CFAP299: variants seen among roughly 807,000 people sequenced by gnomAD.
CFAP299 encodes cilia- and flagella-associated protein 299.
Under a neutral mutation model 27.0 loss-of-function variants are expected in CFAP299, and 21 were observed. The ratio of observed to expected loss-of-function variants is 0.78; its 90% CI spans 0.55 to 1.12. The LOEUF (loss-of-function observed/expected upper bound fraction) is 1.12. CFAP299 is among the 50% of genes most tolerant of loss of function. The probability of loss-of-function intolerance (pLI) is 0.00; values close to 1 mark genes in which losing one functional copy is unlikely to be tolerated. For missense variants in CFAP299, 310 were observed against 276.6 expected, an observed-to-expected ratio of 1.12 and a Z score of -0.86; for synonymous variants, 104 against 98.1, an observed-to-expected ratio of 1.06 and a Z score of -0.36.
intron 4 of CFAP299, among the ~76,000 whole-genome samples, chr4:80,918,676 C>T (rs1052674453): frequency 2.0e-5 from 3 of 151,948 alleles, no homozygotes; most frequent in Non-Finnish European, 4.4e-5. Flanking sequence ...TATTTGTTGC[C>T]GATCATATCT....
chr4:80,803,161 C>T (rs1209387134), intron 3 of CFAP299, among the ~76,000 whole-genome samples: 2 of 151,966 alleles, frequency 1.3e-5, no homozygotes, highest in Non-Finnish European at 2.9e-5. Context: ...ATTCCACAAA[C>T]ATTTAAGTGA....
chr4:80,337,091 T>C (rs1374045375), intron 1 of CFAP299, among the ~76,000 whole-genome samples: 2 of 152,340 alleles, frequency 1.3e-5, no homozygotes, highest in East Asian at 3.9e-4. Flanking sequence ...ACAGATAATA[T>C]ATTTAAAGTC....
At chr4:80,602,789 G>A (rs953957888) in intron 3 of CFAP299, among the ~76,000 whole-genome samples, 3 of 152,044 alleles carry the variant, frequency 2.0e-5, no homozygotes, top group Non-Finnish European at 2.9e-5. Context: ...GTTGCAGATC[G>A]CAAAGCTTCT....
chr4:80,510,835 A>G (rs1015868621), intron 2 of CFAP299, among the ~76,000 whole-genome samples: 1 of 152,210 alleles, frequency 6.6e-6, no homozygotes, highest in Non-Finnish European at 1.5e-5. Flanking sequence ...ACAATGTTAG[A>G]TCCAAAACTC....
At chr4:80,461,593 A>G (rs1410673493) in intron 2 of CFAP299, among the ~76,000 whole-genome samples, 1 of 152,108 alleles carries the variant, frequency 6.6e-6, no homozygotes, top group African/African-American at 2.4e-5. Context: ...ATAATGAGGC[A>G]TGTCTGAGCA....
At chr4:80,658,370 G>T (rs1194423102) in intron 3 of CFAP299, among the ~76,000 whole-genome samples, 2 of 152,112 alleles carry the variant, frequency 1.3e-5, no homozygotes, top group East Asian at 1.9e-4. Context: ...CTGTGGGTTT[G>T]CCATAAATAG....
chr4:80,552,888 A>G (rs556429991), intron 2 of CFAP299, among the ~76,000 whole-genome samples: 3 of 152,128 alleles, frequency 2.0e-5, no homozygotes, highest in South Asian at 4.2e-4. Context: ...GGCGCTCACT[A>G]TGTTTTCCAG....
rs540446831 is a variant in CFAP299, at chr4:80,940,174, G to C, written c.477-4636G>C. ...GTGGGCCTCTTGGTGGAGTCCATAA[G>C]CCACTTAGTAGGATATATGGCCATA... On this transcript the variant is annotated intron_variant, in intron 4 of 5. Coordinates refer to ENST00000358105, the MANE Select transcript of CFAP299 (RefSeq NM_152770.3). 1.3e-4 allele frequency among the ~76,000 whole-genome samples: 20 copies of C among 152,216 alleles called. No homozygotes were observed. The East Asian group carries it at 2.5e-3, about 19-fold the overall frequency.
intron 4 of CFAP299, among the ~76,000 whole-genome samples, chr4:80,888,055 G>A (rs1229781280): frequency 1.3e-5 from 2 of 151,872 alleles, no homozygotes; most frequent in East Asian, 3.8e-4. Flanking sequence ...TAGACAAGAA[G>A]GAAGCAAGGA....
chr4:80,503,962 A>G (rs1458853146), intron 2 of CFAP299, among the ~76,000 whole-genome samples: 2 of 152,194 alleles, frequency 1.3e-5, no homozygotes, highest in African/African-American at 4.8e-5. Flanking sequence ...TGTAGGAGGT[A>G]GAGATGAATT....
intron 3 of CFAP299, among the ~76,000 whole-genome samples, chr4:80,640,787 G>A (rs915171586): frequency 2.0e-5 from 3 of 152,088 alleles, no homozygotes; most frequent in African/African-American, 7.2e-5. Flanking sequence ...GTCTCAGAGG[G>A]TTATTCAAGA....
At chr4:80,648,168 A>C (rs1740119337) in intron 3 of CFAP299, among the ~76,000 whole-genome samples, 1 of 152,218 alleles carries the variant, frequency 6.6e-6, no homozygotes, top group Admixed American at 6.5e-5. Flanking sequence ...TATTGGAGAG[A>C]GAATCATAAA....
intron 2 of CFAP299, among the ~76,000 whole-genome samples, chr4:80,394,959 A>G (rs1232208827): frequency 6.6e-6 from 1 of 152,074 alleles, no homozygotes; most frequent in Non-Finnish European, 1.5e-5. Context: ...TATTTCTGTG[A>G]AAATTCCATT....
intron 4 of CFAP299, among the ~76,000 whole-genome samples, chr4:80,904,534 T>G (rs181227745): frequency 1.6e-4 from 24 of 152,278 alleles, no homozygotes; most frequent in Middle Eastern, 3.4e-3. Flanking sequence ...TATTTTTTTT[T>G]CAAAGGACAT....
At chr4:80,889,405 A>T (rs969123744) in intron 4 of CFAP299, among the ~76,000 whole-genome samples, 9 of 152,026 alleles carry the variant, frequency 5.9e-5, no homozygotes, top group African/African-American at 1.9e-4. Flanking sequence ...CTAGACATAT[A>T]TGACCTACCA....
At chr4:80,647,580 T>C (rs910596065) in intron 3 of CFAP299, among the ~76,000 whole-genome samples, 5 of 152,170 alleles carry the variant, frequency 3.3e-5, no homozygotes, top group Non-Finnish European at 7.3e-5. Flanking sequence ...CTTGAATAAA[T>C]GCTCCCCCTT....
intron 3 of CFAP299, among the ~76,000 whole-genome samples, chr4:80,680,002 C>A (rs1432703626): frequency 6.6e-6 from 1 of 151,948 alleles, no homozygotes; most frequent in Admixed American, 6.6e-5. Context: ...TGACTTTAGT[C>A]CTTATCCGTT....
intron 2 of CFAP299, among the ~76,000 whole-genome samples, chr4:80,489,991 A>G (rs1345906835): frequency 1.3e-5 from 2 of 152,146 alleles, no homozygotes; most frequent in African/African-American, 2.4e-5. Flanking sequence ...CAAATTAGGT[A>G]TCTGGCTTAC....
At chr4:80,919,340 T>C (rs1735924863) in intron 4 of CFAP299, among the ~76,000 whole-genome samples, 1 of 152,146 alleles carries the variant, frequency 6.6e-6, no homozygotes, top group Non-Finnish European at 1.5e-5. Context: ...AGCCCTCTAA[T>C]TCAACTCATA....
Sources: gnomAD v4.1 joint callset for allele counts (sites outside exome capture counted in the v4.1 genomes callset) on GRCh38, gnomAD v4.1.1 for gene constraint, MANE v1.5 for transcripts, NCBI Gene and HGNC (gene_info 2026-07-23, HGNC 2026-07-21) for gene names.